The following FSAF1 variants were observed in gnomAD, a reference collection of about 807,000 sequenced individuals.
FSAF1 encodes 40S small subunit processome assembly factor 1, also known as uncharacterized protein C1orf131.
chr1:231,230,238 TCA>T, the FSAF1 span, among the ~76,000 whole-genome samples: 1 of 152,038 alleles, frequency 6.6e-6, no homozygotes, highest in Admixed American at 6.5e-5. Flanking sequence ...ATCTCACACA[TCA>T]CACACAGAAA....
the FSAF1 span, chr1:231,238,715 G>A: frequency 3.4e-3 from 2,505 of 729,524 alleles, 50 homozygotes; most frequent in African/African-American, 0.041. Flanking sequence ...TATATGCTGA[G>A]TCTTGGGTCC....
chr1:231,229,069 A>G, the FSAF1 span: 1 of 830,022 alleles, frequency 1.2e-6, no homozygotes, highest in Non-Finnish European at 1.9e-6. Flanking sequence ...CTTATAATAA[A>G]TTTAATATAA....
the FSAF1 span, chr1:231,237,052 T>C: frequency 6.6e-6 from 1 of 151,546 alleles, no homozygotes. Flanking sequence ...TGGAGTGCAG[T>C]GACACAATCA....
the FSAF1 span, chr1:231,236,719 T>C: frequency 2.6e-5 from 4 of 152,230 alleles, no homozygotes; most frequent in East Asian, 7.7e-4. Flanking sequence ...TGCTTTATGT[T>C]AGTTGAAGTC....
At chr1:231,231,193 C>T in the FSAF1 span, among the ~76,000 whole-genome samples, 1 of 152,200 alleles carries the variant, frequency 6.6e-6, no homozygotes, top group South Asian at 2.1e-4. Flanking sequence ...AGGCATAGCA[C>T]GGAGGACTCT....
chr1:231,238,534 T>C, the FSAF1 span: 2 of 205,970 alleles, frequency 9.7e-6, no homozygotes, highest in African/African-American at 4.6e-5. Flanking sequence ...TAGAATATTC[T>C]GCCTGATCAG....
chr1:231,227,164 CT>C, the FSAF1 span: 3 of 1,291,306 alleles, frequency 2.3e-6, no homozygotes, highest in Non-Finnish European at 3.3e-6. Flanking sequence ...ATCCACCGCT[CT>C]GTAATGACAG....
chr1:231,240,740 G>A, the FSAF1 span, among the ~76,000 whole-genome samples: 1 of 152,106 alleles, frequency 6.6e-6, no homozygotes, highest in Non-Finnish European at 1.5e-5. This position sits in a 1 kb window ranked among gnomAD's most constrained non-coding sequence, Gnocchi z 4.1. Flanking sequence ...GGAAAAGCGG[G>A]CTACTTTTAA....
chr1:231,227,425 C>T, the FSAF1 span, among the ~76,000 whole-genome samples: 1 of 151,940 alleles, frequency 6.6e-6, no homozygotes, highest in African/African-American at 2.4e-5. Context: ...GCACGCACCA[C>T]CACACCCAGC....
the FSAF1 span, chr1:231,239,095 TCTGCTGCCAAGG>T: frequency 6.2e-7 from 1 of 1,613,928 alleles, no homozygotes; most frequent in Non-Finnish European, 8.5e-7. Flanking sequence ...GGGAGATGGC[TCTGCTGCCAAGG>T]CCGCTGAAGC....
the FSAF1 span, chr1:231,227,145 G>T: frequency 7.0e-7 from 1 of 1,432,382 alleles, no homozygotes; most frequent in Non-Finnish European, 9.8e-7. Flanking sequence ...CAGAAGTAAT[G>T]CATTTCAGAT....
the FSAF1 span, among the ~76,000 whole-genome samples, chr1:231,236,526 A>G: frequency 3.3e-5 from 5 of 152,168 alleles, no homozygotes; most frequent in African/African-American, 4.8e-5. Context: ...GCAAAAGACA[A>G]TTTGACAGAC....
At chr1:231,225,523 C>T in the FSAF1 span, 3 of 1,612,424 alleles carry the variant, frequency 1.9e-6, no homozygotes, top group East Asian at 2.2e-5. Flanking sequence ...GTTTCTTGGG[C>T]CTGATTTCAG....
chr1:231,234,849 A>G, the FSAF1 span, among the ~76,000 whole-genome samples: 1 of 152,108 alleles, frequency 6.6e-6, no homozygotes, highest in Non-Finnish European at 1.5e-5. This position sits in a 1 kb window ranked among gnomAD's most constrained non-coding sequence, Gnocchi z 4.0. Context: ...CAATGTTAGC[A>G]AGGCTGTTTT....
the FSAF1 span, chr1:231,226,732 C>T: frequency 6.3e-7 from 1 of 1,593,340 alleles, no homozygotes; most frequent in East Asian, 2.2e-5. Flanking sequence ...CAGACCATCA[C>T]ACCTACCAGT....
At chr1:231,233,517 G>C in the FSAF1 span, among the ~76,000 whole-genome samples, 1 of 152,128 alleles carries the variant, frequency 6.6e-6, no homozygotes, top group African/African-American at 2.4e-5. Context: ...TATTTCTGTG[G>C]CAATATCTAT....
the FSAF1 span, among the ~76,000 whole-genome samples, chr1:231,234,084 C>T: frequency 2.0e-5 from 3 of 152,090 alleles, no homozygotes; most frequent in Admixed American, 2.0e-4. The surrounding 1 kb of genome is among the most constrained non-coding windows in gnomAD (Gnocchi z 4.0). Flanking sequence ...AGGATTGAGA[C>T]CATAAATGAG....
chr1:231,233,554 A>T, the FSAF1 span, among the ~76,000 whole-genome samples: 1 of 151,724 alleles, frequency 6.6e-6, no homozygotes. Context: ...TGAGATGAAC[A>T]AAAAATTTTT....
chr1:231,236,830 G>A, the FSAF1 span: 2 of 152,134 alleles, frequency 1.3e-5, no homozygotes, highest in Admixed American at 6.5e-5. Flanking sequence ...CTGGGGTACT[G>A]GGAGATGGCC....
Sources: gnomAD v4.1 joint callset for allele counts (sites outside exome capture counted in the v4.1 genomes callset) on GRCh38, gnomAD v4.1.1 for gene constraint, Gnocchi (gnomAD v3.1) non-coding constraint, MANE v1.5 for transcripts, NCBI Gene and HGNC (gene_info 2026-07-23, HGNC 2026-07-21) for gene names.